CCAR2: variants seen among roughly 807,000 people sequenced by gnomAD.
The protein encoded by CCAR2 is cell cycle and apoptosis regulator protein 2.
A neutral mutation model predicts 108.1 loss-of-function variants in CCAR2; 21 were observed. The observed-to-expected ratio is 0.19, with a 90% CI of 0.14 to 0.28. CCAR2 has a LOEUF of 0.28. Among genes scored for constraint, CCAR2 ranks in the 10% least tolerant of loss-of-function variants. CCAR2 has a pLI of 1.00. For missense variants in CCAR2, 1,126 were observed against 1,177.0 expected (o/e 0.96, Z 0.63); for synonymous variants, 577 against 472.8 (o/e 1.22, Z -2.86).
intron 20 of CCAR2, 58 bp from the exon 21 acceptor site, chr8:22,619,575 AGTCCG>A (rs1801675545): frequency 2.6e-6 from 4 of 1,531,334 alleles, no homozygotes; most frequent in African/African-American, 2.8e-5. Context: ...GGCAGTCCGC[AGTCCG>A]CAGTCCTCAG....
chr8:22,605,907 GA>G (rs1801059136), intron 2 of CCAR2, 76 bp downstream of exon 2: 5 of 1,473,064 alleles, frequency 3.4e-6, no homozygotes, highest in Non-Finnish European at 3.8e-6. Flanking sequence ...TTCCCTGGTG[GA>G]GAGCAATTTG....
intron 10 of CCAR2, 135 bp downstream of exon 10, chr8:22,614,638 G>A (rs1358845442): frequency 9.5e-7 from 1 of 1,050,516 alleles, no homozygotes; most frequent in African/African-American, 1.6e-5. Flanking sequence ...TTTCACCCAG[G>A]AGGAAGGTGC....
Position 22,615,716 on chromosome 8 carries a change from T to C in CCAR2, c.1412T>C (p.Leu471Ser). ...CCTACTGAACAGGCACCTGATGCCT[T>C]GGAGCAAGCAGCAGACACTTCTAGA... ...TEPTEQAPDA[L>S]EQAADTSRRN... The change falls in exon 13 of 21, where the codon TTG becomes TCG. Residue 471 changes from leucine to serine, a missense_variant. Physicochemically the swap from Leu to Ser is moderately radical, Grantham distance 145. Coordinates refer to ENST00000308511, the MANE Select transcript of CCAR2 (RefSeq NM_001393997.1). The C allele has an allele frequency of 6.2e-7, 1 of 1,613,652 alleles. No individual in the cohort carries two copies. The highest frequency in any genetic ancestry group is 8.5e-7 in the Non-Finnish European group (1 of 1,179,980).
Position 22,606,869 on chromosome 8 carries a change from G to T in CCAR2, c.243-41G>T, listed in dbSNP as rs199900044. The T allele has an allele frequency of 2.1e-5, 34 of 1,599,872 alleles. No homozygotes were observed. In the African/African-American group the frequency reaches 3.6e-4, roughly 17 times the overall value. ...GGGCAGTCAGGGTGGCCTGGCCAGGGTCCCTCTTCTGATGGGGCCTTCTGG... is the reference window on the plus strand; with the variant it reads ...GGGCAGTCAGGGTGGCCTGGCCAGGTTCCCTCTTCTGATGGGGCCTTCTGG... On this transcript the variant is annotated intron_variant, in intron 4 of 20. Transcript: ENST00000308511.
At chr8:22,609,345 T>C (rs917979444) in intron 7 of CCAR2, among the ~76,000 whole-genome samples, 6 of 152,056 alleles carry the variant, frequency 3.9e-5, no homozygotes, top group South Asian at 4.2e-4. Flanking sequence ...AGAGAAAGGG[T>C]TTTACCATGT....
At chr8:22,607,805 T>C (rs1308895141) in intron 6 of CCAR2, among the ~76,000 whole-genome samples, 164 bp from the exon 7 acceptor site, 1 of 152,186 alleles carries the variant, frequency 6.6e-6, no homozygotes, top group African/African-American at 2.4e-5. Context: ...TTTGTATTTT[T>C]AGTGGAGACG....
At chr8:22,608,151 A>C in intron 7 of CCAR2, 86 bp downstream of exon 7, 1 of 1,112,006 alleles carries the variant, frequency 9.0e-7, no homozygotes, top group Non-Finnish European at 1.3e-6. Flanking sequence ...GTTGGCCAGG[A>C]AGTGAACCCA....
chr8:22,612,609 C>T (rs768638288), intron 7 of CCAR2: 1 of 155,702 alleles, frequency 6.4e-6, no homozygotes, highest in Admixed American at 6.5e-5. Flanking sequence ...ATATATGCGT[C>T]TCTTGTTTTT....
At position 22,616,123 on chromosome 8, in the gene CCAR2, GAGA is replaced by G. The variant is rs768425535; in HGVS notation, c.1723_1725del (p.Lys575del). 4 of 1,613,898 alleles carry G rather than the reference GAGA, an allele frequency of 2.5e-6. No individual in the cohort carries two copies. The Admixed American group carries it at 5.0e-5, about 20-fold the overall frequency. On this transcript the variant is annotated inframe_deletion, in exon 14 of 21. Coordinates refer to ENST00000308511, the MANE Select transcript of CCAR2 (RefSeq NM_001393997.1). ...AAAGGTCGTGTCCCCACCTGAACCT[GAGA>G]AGGAGGAGGCGGCCAAGGAAGAAGC...
chr8:22,618,318 C>T (rs753584255), intron 16 of CCAR2, 31 bp from the exon 17 acceptor site: 7 of 1,613,710 alleles, frequency 4.3e-6, no homozygotes, highest in Admixed American at 3.3e-5. Context: ...GAACTATTTG[C>T]AAATCCTGCT....
chr8:22,613,866 G>C lies in CCAR2; in HGVS notation c.705-226G>C. On this transcript the variant is annotated intron_variant, in intron 8 of 20. Transcript: ENST00000308511. ...TATTAAGGCAATGACCCATTTCTCT[G>C]TCATGTGTTATAAGTGTTTTCTTTT... 3 of 555,790 alleles carry C rather than the reference G, an allele frequency of 5.4e-6. No individual in the cohort carries two copies. The East Asian group carries it at 8.8e-5, about 16-fold the overall frequency. 34.4% of individuals were successfully genotyped at this position (555,790 alleles called of 1,614,324 possible).
intron 8 of CCAR2, 171 bp from the exon 9 acceptor site, chr8:22,613,921 T>G (rs538696371): frequency 3.3e-6 from 2 of 607,100 alleles, no homozygotes; most frequent in South Asian, 4.2e-5. Context: ...TTTTGCCATC[T>G]AGAGTTTGTA....
chr8:22,607,252 G>T lies in CCAR2; in HGVS notation c.414G>T (p.Lys138Asn). The change falls in exon 6 of 21, where the codon AAG becomes AAT. Residue 138 changes from lysine to asparagine, a missense_variant. Transcript: ENST00000308511. ...TGCATGTAGCAGCCCTGGGCCAGAA[G>T]CAAGGGATCCTGGGAGCTCAGCCTC... Reference protein sequence around the residue: ...PLLHVAALGQKQGILGAQPQL... With the variant: ...PLLHVAALGQNQGILGAQPQL... 2 of 1,614,002 alleles carry T rather than the reference G, an allele frequency of 1.2e-6. No individual in the cohort carries two copies. Among genetic ancestry groups the T allele is most frequent in the East Asian group, 2.2e-5 (1 of 44,870 alleles).
chr8:22,610,582 G>A (rs139957894), intron 7 of CCAR2, among the ~76,000 whole-genome samples: 4 of 152,348 alleles, frequency 2.6e-5, no homozygotes, highest in Non-Finnish European at 5.9e-5. Context: ...CTTTGGCATG[G>A]GTCTTCTATT....
chr8:22,619,357 TA>T lies in CCAR2; in HGVS notation c.2727+4del. ...GAGATCCAGCGGGTGGTGGAAAAGG[TA>T]AGGTGGGGGTGGACCAGGAGGCAGC... On this transcript the variant is annotated splice_donor_region_variant and intron_variant, in intron 20 of 20. Coordinates refer to ENST00000308511, the MANE Select transcript of CCAR2 (RefSeq NM_001393997.1). The T allele has an allele frequency of 6.4e-7, 1 of 1,555,820 alleles. No individual in the cohort carries two copies.
chr8:22,614,254 A>T lies in CCAR2; in HGVS notation c.867A>T (p.Ala289=). The change falls in exon 9 of 21, where the codon GCA becomes GCT. Residue 289 remains alanine (A), a synonymous_variant. Coordinates refer to ENST00000308511, the MANE Select transcript of CCAR2 (RefSeq NM_001393997.1). ...TCCAGGTCTCTTCTGAAAAGGAGGC[A>T]GCTCCAGACGCTGGTGCTGAGCCCA... The part of the protein sequence containing the change: ...SRIQVSSEKE[A]APDAGAEPIT... 4 of 1,614,086 alleles carry T rather than the reference A, an allele frequency of 2.5e-6. No individual in the cohort carries two copies. Among genetic ancestry groups the T allele is most frequent in the Non-Finnish European group, 3.4e-6 (4 of 1,180,038 alleles).
Position 22,615,865 on chromosome 8 carries a change from C to T in CCAR2, c.1561C>T (p.His521Tyr), listed in dbSNP as rs1392528669. The change falls in exon 13 of 21, where the codon CAT becomes TAT. Residue 521 changes from histidine to tyrosine, a missense_variant. This residue lies in a region of CCAR2 where 1,013 missense variants were observed against 993.9 expected (regional missense o/e 1.02). Transcript: ENST00000308511. ...ARPGCVNLSL[H>Y]GIVEDRRPKE... ...CCCTGGCTGTGTAAACCTGTCCCTC[C>T]ATGGGATTGTGGAGGATCGGAGGCC... 2.5e-6 allele frequency: 4 copies of T among 1,614,020 alleles called. No homozygotes were observed. The highest frequency in any genetic ancestry group is 1.1e-5 in the South Asian group (1 of 91,084).
chr8:22,619,966 T>TTTTG lies in CCAR2; in HGVS notation c.*287_*288insGTTT. The stretch of plus-strand genomic sequence containing the variant: ...AACCTTGGTATTTCTCCTGGGGCCC[T>TTTTG]TTTAGTCTTGTGCTGACTTTCTCCT... On this transcript the variant is annotated 3_prime_UTR_variant, in exon 21 of 21. Coordinates refer to ENST00000308511, the MANE Select transcript of CCAR2 (RefSeq NM_001393997.1). 2.1e-6 allele frequency: 1 copy of TTTTG among 479,648 alleles called. No homozygotes were observed. 29.7% of individuals were successfully genotyped at this position (479,648 alleles called of 1,614,324 possible). A position where few individuals can be genotyped will look rare whatever the true frequency, so the allele number is the denominator to read the frequency against.
chr8:22,618,794 C>G, intron 18 of CCAR2, 33 bp from the exon 19 acceptor site: 1 of 1,613,130 alleles, frequency 6.2e-7, no homozygotes. Flanking sequence ...TCTGGAGACT[C>G]CATCCTGAAT....
Sources: gnomAD v4.1 joint callset for allele counts (sites outside exome capture counted in the v4.1 genomes callset) on GRCh38, gnomAD v4.1.1 for gene constraint, gnomAD v4.1.1 regional missense constraint, MANE v1.5 for transcripts, NCBI Gene and HGNC (gene_info 2026-07-23, HGNC 2026-07-21) for gene names.